CCPG1: variants seen among roughly 807,000 people sequenced by gnomAD.
The protein encoded by CCPG1 is cell cycle progression 1, also known as cell cycle progression protein 1.
A neutral mutation model predicts 81.3 loss-of-function variants in CCPG1; 46 were observed. The observed-to-expected ratio is 0.57, with a 90% CI of 0.45 to 0.72. CCPG1 has a LOEUF of 0.72. Among genes scored for constraint, CCPG1 ranks in the 30% least tolerant of loss-of-function variants. The pLI is 0.00. For synonymous variants in CCPG1, 330 were observed against 305.2 expected (o/e 1.08, Z -0.85); for missense variants, 902 against 937.6 (o/e 0.96, Z 0.50).
At chr15:55,356,867 C>G (rs967815450) in intron 8 of CCPG1, 2 of 986,264 alleles carry the variant, frequency 2.0e-6, no homozygotes, top group Non-Finnish European at 2.4e-6. Context: ...GATCAGGCTT[C>G]CGTCACTACT....
chr15:55,389,068 CAAA>C lies in CCPG1; in HGVS notation c.60+294_60+296del, dbSNP rs373917631. ...TGGGCAACAGAGTGAGACTCTGTCT[CAAA>C]AAAAAAAAAAAAAAAAAAGACAAAA... On this transcript the variant is annotated intron_variant, in intron 2 of 8. Transcript: ENST00000442196. Among the ~76,000 whole-genome samples, 25 of 56,298 alleles carry C rather than the reference CAAA, an allele frequency of 4.4e-4. 1 individual carries two copies. In the South Asian group the frequency reaches 4.7e-3, roughly 11 times the overall value. 36.9% of individuals were successfully genotyped at this position (56,298 alleles called of 152,430 possible).
chr15:55,376,288 C>T (rs2056563691), intron 5 of CCPG1, among the ~76,000 whole-genome samples: 1 of 152,174 alleles, frequency 6.6e-6, no homozygotes, highest in South Asian at 2.1e-4. Context: ...ATACATACTG[C>T]TAAAACTGAG....
At chr15:55,363,251 AG>A (rs2056243056) in intron 7 of CCPG1, among the ~76,000 whole-genome samples, 1 of 151,802 alleles carries the variant, frequency 6.6e-6, no homozygotes, top group African/African-American at 2.4e-5. Context: ...TGGGAGACTG[AG>A]GCAGGAGAAT....
chr15:55,401,044 C>T (rs1298195346), intron 1 of CCPG1, among the ~76,000 whole-genome samples: 3 of 152,146 alleles, frequency 2.0e-5, no homozygotes, highest in Non-Finnish European at 4.4e-5. Flanking sequence ...GCTCCCAAGA[C>T]TATAAAATTA....
chr15:55,407,714 C>G (rs142256661), intron 1 of CCPG1: 1 of 152,314 alleles, frequency 6.6e-6, no homozygotes, highest in Admixed American at 6.5e-5. Context: ...CATCATCAGG[C>G]TGGCGTGCTA....
chr15:55,380,773 G>A (rs944913458), intron 3 of CCPG1, among the ~76,000 whole-genome samples: 2 of 151,974 alleles, frequency 1.3e-5, no homozygotes, highest in Non-Finnish European at 2.9e-5. Flanking sequence ...CCAGCACTTT[G>A]AGCGGCTGAG....
intron 1 of CCPG1, among the ~76,000 whole-genome samples, chr15:55,392,794 G>A (rs773297271): frequency 2.0e-5 from 3 of 152,274 alleles, no homozygotes; most frequent in Middle Eastern, 3.4e-3. Context: ...TAGGATGACA[G>A]GCATAAGCGG....
Position 55,371,958 on chromosome 15 carries a change from T to C in CCPG1, c.541A>G (p.Arg181Gly), listed in dbSNP as rs1245523457. ...TCTGAAGCAGAAACGGTCTTCTTCCTAGCACGGCGTCGTCTAAAGGCAGGA... is the reference window on the plus strand; with the variant it reads ...TCTGAAGCAGAAACGGTCTTCTTCCCAGCACGGCGTCGTCTAAAGGCAGGA... ...PSPAFRRRRA[R>G]KKTVSASESE... is the part of the protein sequence containing the mutation. Residue 181 changes from arginine to glycine, a missense_variant, in exon 6 of 9, where the codon AGG becomes GGG. Coordinates refer to ENST00000442196, the MANE Select transcript of CCPG1 (RefSeq NM_001204450.2). The C allele has an allele frequency of 6.2e-7, 1 of 1,614,210 alleles. No homozygotes were observed. Among genetic ancestry groups the C allele is most frequent in the Non-Finnish European group, 8.5e-7 (1 of 1,180,020 alleles).
chr15:55,372,431 C>T (rs990343740), intron 5 of CCPG1: 13 of 217,630 alleles, frequency 6.0e-5, no homozygotes, highest in African/African-American at 1.6e-4. Flanking sequence ...GAGGCCGAGG[C>T]GGGCAGATCA....
intron 5 of CCPG1, among the ~76,000 whole-genome samples, chr15:55,373,402 C>T (rs2056495054): frequency 1.3e-5 from 2 of 152,148 alleles, no homozygotes; most frequent in African/African-American, 4.8e-5. Context: ...CACAGGAAAG[C>T]TGGTGATTTA....
At chr15:55,362,496 T>C (rs1274419508) in intron 7 of CCPG1, among the ~76,000 whole-genome samples, 1 of 152,160 alleles carries the variant, frequency 6.6e-6, no homozygotes. Flanking sequence ...TCTACCTGTA[T>C]GAGAGAAAAG....
chr15:55,359,403 C>G, intron 8 of CCPG1, 136 bp downstream of exon 8: 1 of 1,426,488 alleles, frequency 7.0e-7, no homozygotes, highest in Non-Finnish European at 9.1e-7. Flanking sequence ...TCAATTTATT[C>G]TGAATTCTCT....
In CCPG1 at chr15:55,359,660, T is replaced by C. The variant is rs1032645547; in HGVS notation, c.2113A>G (p.Lys705Glu). ...TCCTTCATGTTTCTAAGATAATCTT[T>C]AACATCATTAACAAAGTCAGTGAAG... Reference protein sequence around the residue: ...KLFTDFVNDVKDYLRNMKEYE... With the variant: ...KLFTDFVNDVEDYLRNMKEYE... The change falls in exon 8 of 9, where the codon AAA becomes GAA. Residue 705 changes from lysine to glutamate, a missense_variant. Transcript: ENST00000442196. The C allele has an allele frequency of 6.2e-7, 1 of 1,613,316 alleles. No homozygotes were observed. Among genetic ancestry groups the C allele is most frequent in the African/African-American group, 1.3e-5 (1 of 74,930 alleles).
Position 55,390,036 on chromosome 15 carries a change from G to A in CCPG1, c.-9-603C>T, listed in dbSNP as rs139860992. ...CCTCCCGGGTTCAAGTGATTCTCCT[G>A]CCTCAGCCTCCCGAGTAGCTGGGAC... On this transcript the variant is annotated intron_variant, in intron 1 of 8. Coordinates refer to ENST00000442196, the MANE Select transcript of CCPG1 (RefSeq NM_001204450.2). 1.3e-3 allele frequency among the ~76,000 whole-genome samples: 205 copies of A among 152,308 alleles called. 2 individuals are homozygous for A. Among genetic ancestry groups the A allele is most frequent in the African/African-American group, 4.7e-3 (197 of 41,570 alleles).
chr15:55,377,188 A>G (rs372534681), intron 4 of CCPG1, 38 bp from the exon 5 acceptor site: 1 of 1,428,756 alleles, frequency 7.0e-7, no homozygotes, highest in Non-Finnish European at 9.8e-7. Flanking sequence ...AAGTTCAACA[A>G]TCATTTAAGG....
chr15:55,366,448 C>G (rs2056329318), intron 6 of CCPG1, among the ~76,000 whole-genome samples: 1 of 151,982 alleles, frequency 6.6e-6, no homozygotes, highest in Admixed American at 6.6e-5. Flanking sequence ...TAAATCTGTA[C>G]TGGAGTAGCA....
At chr15:55,406,271 GA>G (rs1161522642) in intron 1 of CCPG1, among the ~76,000 whole-genome samples, 1 of 144,104 alleles carries the variant, frequency 6.9e-6, no homozygotes, top group Non-Finnish European at 1.5e-5. Flanking sequence ...TGAAAAAAAT[GA>G]TATAGAAACT....
In CCPG1 at chr15:55,366,308, AT is replaced by A. The variant is rs61214049; in HGVS notation, c.707-1000del. Among the ~76,000 whole-genome samples the A allele has an allele frequency of 4.8e-3, 704 of 147,700 alleles. 9 individuals carry two copies. Among genetic ancestry groups the A allele is most frequent in the African/African-American group, 0.013 (519 of 40,150 alleles). On this transcript the variant is annotated intron_variant, in intron 6 of 8. Transcript: ENST00000442196. ...CGTAAGTCAATAAGGAAAAATGAAA[AT>A]TTTTTTTTTTTTTAATATTTTGCCT...
chr15:55,361,090 C>G, intron 7 of CCPG1, 146 bp from the exon 8 acceptor site: 1 of 853,572 alleles, frequency 1.2e-6, no homozygotes, highest in Non-Finnish European at 1.7e-6. Flanking sequence ...ATAGTATAAA[C>G]ATTGGGAAAT....
Sources: allele counts gnomAD v4.1 joint callset (sites outside exome capture counted in the v4.1 genomes callset), GRCh38; gene constraint gnomAD v4.1.1; transcripts MANE v1.5; gene names NCBI Gene and HGNC (gene_info 2026-07-23, HGNC 2026-07-21).